The following STK36 variants were observed in gnomAD, a reference collection of about 807,000 sequenced individuals.
STK36 encodes the protein serine/threonine-protein kinase 36.
Under a neutral mutation model 142.2 loss-of-function variants are expected in STK36, and 116 were observed. The ratio of observed to expected loss-of-function variants is 0.82; its 90% CI spans 0.70 to 0.95. The LOEUF is 0.95. Among genes scored for constraint, STK36 ranks in the 40% least tolerant of loss-of-function variants. STK36 has a pLI of 0.00. For missense variants in STK36, 1,422 were observed against 1,617.2 expected (o/e 0.88, Z 2.07); for synonymous variants, 619 against 641.7 (o/e 0.96, Z 0.53).
chr2:218,684,106 C>CTTTT (rs35807157), intron 10 of STK36, among the ~76,000 whole-genome samples: 6 of 105,164 alleles, frequency 5.7e-5, no homozygotes, highest in East Asian at 2.6e-4. Flanking sequence ...GCCTCACGAT[C>CTTTT]TTTTTTTTTT....
In STK36 at chr2:218,679,714, G is replaced by A. The variant is rs955291590; in HGVS notation, c.933G>A (p.Glu311=). ...CTCAGGCCTATAAACGCATGGCTGA[G>A]GAGGCCATGCAGAAGGTGTGTGGGG... ...ILTQAYKRMA[E]EAMQKKHQNT... Residue 311 remains glutamate (E), a synonymous_variant, in exon 8 of 27, where the codon GAG becomes GAA. Transcript: ENST00000295709. The A allele has an allele frequency of 6.2e-7, 1 of 1,614,240 alleles. No individual in the cohort carries two copies. The highest frequency in any genetic ancestry group is 8.5e-7 in the Non-Finnish European group (1 of 1,180,042).
At chr2:218,684,237 G>A (rs1434815954) in intron 10 of STK36, among the ~76,000 whole-genome samples, 1 of 149,058 alleles carries the variant, frequency 6.7e-6, no homozygotes, top group African/African-American at 2.5e-5. Flanking sequence ...TCTGCCTCCC[G>A]AGTAGCTGGG....
In STK36 at chr2:218,690,583, G is replaced by A. The variant is rs779469286; in HGVS notation, c.1764+28G>A. The A allele has an allele frequency of 3.2e-6, 5 of 1,550,936 alleles. No homozygotes were observed. The South Asian group carries it at 4.5e-5, about 14-fold the overall frequency. On this transcript the variant is annotated intron_variant, in intron 14 of 26. Transcript: ENST00000295709. The stretch of plus-strand genomic sequence containing the variant: ...AATCTGCTCCCACTTCCAGATTTCT[G>A]TGTCTCCTATCATTCTCCGTGTTTC...
chr2:218,690,366 C>T (rs963003610), intron 13 of STK36, 84 bp from the exon 14 acceptor site: 125 of 1,099,164 alleles, frequency 1.1e-4, no homozygotes, highest in Middle Eastern at 4.3e-4. Context: ...AGAGATTCTC[C>T]TACCTGCCCA....
chr2:218,681,166 C>T (rs1305986628), intron 10 of STK36, among the ~76,000 whole-genome samples: 15 of 148,938 alleles, frequency 1.0e-4, no homozygotes, highest in Non-Finnish European at 2.1e-4. Context: ...CTCACCCTGT[C>T]GCCCAGGCTG....
In STK36 at chr2:218,702,183, A is replaced by G. The variant is rs1941467316; in HGVS notation, c.*174A>G. The G allele has an allele frequency of 1.8e-5, 14 of 758,022 alleles. 2 individuals carry two copies. In the South Asian group the frequency reaches 4.0e-4, roughly 22 times the overall value. The allele number at this position is 758,022 out of a possible 1,614,324, so 47.0% of individuals were successfully genotyped here. ...ATATATAAAGCTTCTTCCTTCTCCC[A>G]GATGCAGGATGTTTTCAACCAGTAA... On this transcript the variant is annotated 3_prime_UTR_variant, in exon 27 of 27. Coordinates refer to ENST00000295709, the MANE Select transcript of STK36 (RefSeq NM_015690.5).
At chr2:218,674,188 C>A (rs77792078) in intron 4 of STK36, among the ~76,000 whole-genome samples, 1 of 152,092 alleles carries the variant, frequency 6.6e-6, no homozygotes, top group Non-Finnish European at 1.5e-5. Flanking sequence ...TCTCATTGGA[C>A]AAGTTACTTT....
intron 4 of STK36, 38 bp downstream of exon 4, chr2:218,673,994 C>G (rs778256228): frequency 1.3e-6 from 2 of 1,589,074 alleles, no homozygotes; most frequent in East Asian, 2.3e-5. Flanking sequence ...CACCTCCGAC[C>G]TCTCTCCAGG....
At chr2:218,698,198 C>T (rs1372676717) in intron 25 of STK36, among the ~76,000 whole-genome samples, 197 bp downstream of exon 25, 1 of 152,136 alleles carries the variant, frequency 6.6e-6, no homozygotes, top group Non-Finnish European at 1.5e-5. Context: ...GGGTTGGTGC[C>T]TCCTCCTCTC....
Position 218,698,693 on chromosome 2 carries a change from A to G in STK36, c.3149A>G (p.Gln1050Arg). The G allele has an allele frequency of 5.0e-6, 8 of 1,614,056 alleles. No individual in the cohort carries two copies. The highest frequency in any genetic ancestry group is 6.8e-6 in the Non-Finnish European group (8 of 1,180,008). ...LALMDPTSLN[Q>R]FVNTVSASPR... ...CTCATGGATCCCACCTCTCTCAACC[A>G]GTTTGTGAACACAGTGTCTGCCTCC... is the stretch of plus-strand genomic sequence containing the variant. Residue 1050 changes from glutamine to arginine, a missense_variant, in exon 26 of 27, where the codon CAG becomes CGG. Coordinates refer to ENST00000295709, the MANE Select transcript of STK36 (RefSeq NM_015690.5).
chr2:218,683,875 A>G (rs1254104346), intron 10 of STK36, among the ~76,000 whole-genome samples: 1 of 149,920 alleles, frequency 6.7e-6, no homozygotes, highest in Non-Finnish European at 1.5e-5. Flanking sequence ...GAGAATGATG[A>G]TTTCCAATTT....
At chr2:218,679,054 C>T in intron 6 of STK36, 114 bp from the exon 7 acceptor site, 1 of 958,254 alleles carries the variant, frequency 1.0e-6, no homozygotes, top group Non-Finnish European at 1.6e-6. Context: ...TGATCAAGAG[C>T]AGCTCATCTG....
intron 25 of STK36, among the ~76,000 whole-genome samples, 173 bp downstream of exon 25, chr2:218,698,174 A>C (rs1941307238): frequency 6.6e-6 from 1 of 152,140 alleles, no homozygotes; most frequent in Admixed American, 6.6e-5. Flanking sequence ...TGGTGGAGGC[A>C]TGTGGTGGGA....
chr2:218,681,042 T>C (rs1940494625), intron 10 of STK36, among the ~76,000 whole-genome samples: 1 of 152,178 alleles, frequency 6.6e-6, no homozygotes, highest in African/African-American at 2.4e-5. Flanking sequence ...TTACTGAGTT[T>C]TATTATATGT....
chr2:218,694,303 C>T lies in STK36; in HGVS notation c.2376C>T (p.Thr792=). 6.2e-7 allele frequency: 1 copy of T among 1,614,106 alleles called. No individual in the cohort carries two copies. Among genetic ancestry groups the T allele is most frequent in the Non-Finnish European group, 8.5e-7 (1 of 1,179,956 alleles). The change falls in exon 20 of 27, where the codon ACC becomes ACT. Residue 792 remains threonine (T), a synonymous_variant. Coordinates refer to ENST00000295709, the MANE Select transcript of STK36 (RefSeq NM_015690.5). The surrounding 1 kb of genome is among the most constrained non-coding windows in gnomAD (Gnocchi z 4.4). ...KLGSDVATLF[T]HSHVVSLVSA... ...GCAGTGACGTTGCTACTCTCTTTAC[C>T]CATTCGCATGTCGTCTCTCTTGTGG...
At position 218,678,138 on chromosome 2, in the gene STK36, A is replaced by G. The variant is rs561377052; in HGVS notation, c.685-1030A>G. ...AAATTTTTTTTAAAATTTTTTAGAG[A>G]CAGGGTCTCACTGTGTTGCCCAGGC... On this transcript the variant is annotated intron_variant, in intron 6 of 26. Transcript: ENST00000295709. Among the ~76,000 whole-genome samples, 377 of 152,092 alleles carry G rather than the reference A, an allele frequency of 2.5e-3. 1 individual carries two copies. The highest frequency in any genetic ancestry group is 2.4e-3 in the Admixed American group (36 of 15,268).
intron 26 of STK36, among the ~76,000 whole-genome samples, chr2:218,700,432 C>T (rs943203599): frequency 1.3e-5 from 2 of 151,658 alleles, no homozygotes; most frequent in East Asian, 2.0e-4. Context: ...GATGGAGTCT[C>T]GCTCTGTTGC....
At position 218,690,733 on chromosome 2, in the gene STK36, A is replaced by T. The variant is rs72963913; in HGVS notation, c.1764+178A>T. On this transcript the variant is annotated intron_variant, in intron 14 of 26. Coordinates refer to ENST00000295709, the MANE Select transcript of STK36 (RefSeq NM_015690.5). Reference sequence around the variant, plus strand: ...AGTGCCTGCCTTCAAGGGACTAGGGATAATTTAATAGGGGAGAGGTAAAGG... The same window carrying T: ...AGTGCCTGCCTTCAAGGGACTAGGGTTAATTTAATAGGGGAGAGGTAAAGG... 3.5e-3 allele frequency among the ~76,000 whole-genome samples: 531 copies of T among 152,320 alleles called. 3 individuals carry two copies. The highest frequency in any genetic ancestry group is 6.0e-3 in the Non-Finnish European group (410 of 68,014).
intron 10 of STK36, among the ~76,000 whole-genome samples, chr2:218,684,446 A>G (rs1456451733): frequency 2.8e-5 from 2 of 70,928 alleles, no homozygotes; most frequent in African/African-American, 4.9e-5. Context: ...TTTGAGACAG[A>G]GTCTCACTCT....
Sources: allele counts gnomAD v4.1 joint callset (sites outside exome capture counted in the v4.1 genomes callset), GRCh38; gene constraint gnomAD v4.1.1; non-coding constraint Gnocchi (gnomAD v3.1); transcripts MANE v1.5; gene names NCBI Gene and HGNC (gene_info 2026-07-23, HGNC 2026-07-21).